LNPEP: variants seen among roughly 807,000 people sequenced by gnomAD.
LNPEP encodes leucyl and cystinyl aminopeptidase, also known as leucyl-cystinyl aminopeptidase.
A neutral mutation model predicts 120.6 loss-of-function variants in LNPEP; 64 were observed. The observed-to-expected ratio is 0.53, with a 90% CI of 0.43 to 0.65. LNPEP has a LOEUF of 0.65. Among genes scored for constraint, LNPEP ranks in the 30% least tolerant of loss-of-function variants. The pLI is 0.00. For missense variants in LNPEP, 1,057 were observed against 1,200.0 expected (o/e 0.88, Z 1.76); for synonymous variants, 435 against 425.4 (o/e 1.02, Z -0.28).
intron 8 of LNPEP, 90 bp downstream of exon 8, chr5:96,998,235 A>G: frequency 9.8e-7 from 1 of 1,024,688 alleles, no homozygotes; most frequent in Admixed American, 2.8e-5. Flanking sequence ...AGATTATTTT[A>G]AAGATTAAAT....
intron 6 of LNPEP, among the ~76,000 whole-genome samples, chr5:96,994,819 T>C (rs965097610): frequency 6.6e-6 from 1 of 152,170 alleles, no homozygotes; most frequent in Non-Finnish European, 1.5e-5. Flanking sequence ...GCTTTAAAAA[T>C]AGGGCATGGG....
chr5:97,005,829 C>A (rs1790765945), intron 9 of LNPEP, among the ~76,000 whole-genome samples: 1 of 152,036 alleles, frequency 6.6e-6, no homozygotes, highest in Non-Finnish European at 1.5e-5. Context: ...CTAGTGCCTC[C>A]CTCACTCCCT....
At chr5:97,003,635 C>T in intron 9 of LNPEP, 89 bp downstream of exon 9, 1 of 885,094 alleles carries the variant, frequency 1.1e-6, no homozygotes, top group Non-Finnish European at 1.7e-6. Flanking sequence ...GTAAGTTAAT[C>T]TGTGGTACAA....
In LNPEP at chr5:96,943,223, TAAAAA is replaced by T. The variant is rs369658383; in HGVS notation, c.19+7059_19+7063del. On this transcript the variant is annotated intron_variant, in intron 1 of 17. Coordinates refer to ENST00000231368, the MANE Select transcript of LNPEP (RefSeq NM_005575.3). ...TTTTAATAAATGATTACCAGTTGTT[TAAAAA>T]AAAAAAAAAGAAAACTATAGAGAGC... The T allele has an allele frequency of 4.5e-3, 835 of 185,650 alleles. 9 individuals are homozygous for T. Among genetic ancestry groups the T allele is most frequent in the Non-Finnish European group, 6.5e-3 (627 of 96,006 alleles). The allele number at this position is 185,650 out of a possible 1,614,324, so 11.5% of individuals were successfully genotyped here. A position where few individuals can be genotyped will look rare whatever the true frequency, so the allele number is the denominator to read the frequency against.
At chr5:97,027,469 A>G (rs1791371726) in intron 16 of LNPEP, among the ~76,000 whole-genome samples, 1 of 152,118 alleles carries the variant, frequency 6.6e-6, no homozygotes, top group Admixed American at 6.5e-5. Flanking sequence ...TAAATCAATA[A>G]TGGCATTTCT....
chr5:96,951,866 G>A (rs934211462), intron 1 of LNPEP, among the ~76,000 whole-genome samples: 1 of 151,854 alleles, frequency 6.6e-6, no homozygotes, highest in African/African-American at 2.4e-5. Context: ...TTTACTTTGT[G>A]TATTTACTCT....
In LNPEP at chr5:96,979,473, G is replaced by A. The variant is rs763065052; in HGVS notation, c.355G>A (p.Val119Met). 6.8e-6 allele frequency: 11 copies of A among 1,613,960 alleles called. No individual in the cohort carries two copies. The highest frequency in any genetic ancestry group is 1.7e-5 in the Admixed American group (1 of 59,974). Residue 119 changes from valine to methionine, a missense_variant, in exon 2 of 18, where the codon GTG (valine) becomes ATG (methionine). Val to Met is a conservative substitution (Grantham distance 21). Transcript: ENST00000231368. The part of the protein sequence containing the change: ...RTMVVCAFVI[V>M]VAVSVIMVIY... ...CATGGTGGTCTGTGCTTTTGTCATC[G>A]TGGTTGCTGTTTCTGTAATCATGGT...
intron 4 of LNPEP, among the ~76,000 whole-genome samples, chr5:96,989,046 G>C (rs1316762127): frequency 6.6e-6 from 1 of 151,872 alleles, no homozygotes; most frequent in Non-Finnish European, 1.5e-5. Flanking sequence ...TGTGTGGAAA[G>C]AGGAAGAGAT....
In LNPEP at chr5:96,993,049, A is replaced by G. The variant is rs201614474; in HGVS notation, c.1166A>G (p.Gln389Arg). The G allele has an allele frequency of 6.9e-6, 11 of 1,598,312 alleles. No individual in the cohort carries two copies. The highest frequency in any genetic ancestry group is 2.7e-5 in the African/African-American group (2 of 74,550). The change falls in exon 5 of 18, where the codon CAA becomes CGA. Residue 389 changes from glutamine (Q) to arginine (R), a missense_variant. Transcript: ENST00000231368. Reference protein sequence around the residue: ...SIYAVPEKIGQVHYALETTVK... With the variant: ...SIYAVPEKIGRVHYALETTVK... ...TATGCTGTACCAGAAAAGATTGGTC[A>G]AGTTCATTATGCCTTGGAAACAACT...
Position 97,006,446 on chromosome 5 carries a change from C to T in LNPEP, c.1966C>T (p.Leu656=). The T allele has an allele frequency of 6.3e-7, 1 of 1,574,972 alleles. No homozygotes were observed. Among genetic ancestry groups the T allele is most frequent in the Non-Finnish European group, 8.7e-7 (1 of 1,146,642 alleles). ...TTACAGCTACCTGTGGCATATTCCA[C>T]TATCCTATGTCACTGAAGGAAGAAA... ...SDTSYLWHIP[L]SYVTEGRNYS... The change falls in exon 11 of 18, where the codon CTA becomes TTA. Residue 656 remains leucine (L), a synonymous_variant. Coordinates refer to ENST00000231368, the MANE Select transcript of LNPEP (RefSeq NM_005575.3).
In LNPEP at chr5:97,024,516, T is replaced by TA. The variant is rs1464715346; in HGVS notation, c.2562-4dup. On this transcript the variant is annotated splice_region_variant and splice_polypyrimidine_tract_variant and intron_variant, in intron 14 of 17. Coordinates refer to ENST00000231368, the MANE Select transcript of LNPEP (RefSeq NM_005575.3). ...TATTCTCATGTTTGACCACCTCTCT[T>TA]ACAGCCTACCTACTGATGTCATGAC... The TA allele has an allele frequency of 2.3e-5, 37 of 1,612,820 alleles. No individual in the cohort carries two copies. The highest frequency in any genetic ancestry group is 2.9e-5 in the Non-Finnish European group (34 of 1,179,480).
chr5:97,029,176 T>C lies in LNPEP; in HGVS notation c.*643T>C, dbSNP rs901038230. 6.6e-6 allele frequency: 1 copy of C among 152,398 alleles called. No individual in the cohort carries two copies. Among genetic ancestry groups the C allele is most frequent in the Non-Finnish European group, 1.5e-5 (1 of 68,038 alleles). The allele number at this position is 152,398 out of a possible 1,614,324, so 9.4% of individuals were successfully genotyped here. On this transcript the variant is annotated 3_prime_UTR_variant, in exon 18 of 18. Coordinates refer to ENST00000231368, the MANE Select transcript of LNPEP (RefSeq NM_005575.3). ...GTGCTACAGATTTTTAAAATTTTTG[T>C]TGTATTGAAAAGCTAAACAAGGCCA... is the stretch of plus-strand genomic sequence containing the variant.
intron 13 of LNPEP, among the ~76,000 whole-genome samples, chr5:97,021,532 A>G (rs1791196444): frequency 6.6e-6 from 1 of 152,228 alleles, no homozygotes; most frequent in African/African-American, 2.4e-5. Flanking sequence ...TTAACTATCA[A>G]TAAAGAAGTT....
intron 4 of LNPEP, among the ~76,000 whole-genome samples, chr5:96,990,288 G>A (rs901631927): frequency 2.0e-5 from 3 of 152,238 alleles, no homozygotes; most frequent in Admixed American, 6.5e-5. Flanking sequence ...GCTTGTAGGC[G>A]GTGACTGAAT....
chr5:97,013,756 A>T lies in LNPEP; in HGVS notation c.2144A>T (p.Gln715Leu). 6.2e-7 allele frequency: 1 copy of T among 1,612,250 alleles called. No individual in the cohort carries two copies. Among genetic ancestry groups the T allele is most frequent in the Non-Finnish European group, 8.5e-7 (1 of 1,178,770 alleles). The change falls in exon 12 of 18, where the codon CAG becomes CTG. Residue 715 changes from glutamine (Q) to leucine (L), a missense_variant. Physicochemically the swap from Gln to Leu is moderately radical, Grantham distance 113 (BLOSUM62 -2). Transcript: ENST00000231368. ...ADDDWEALIH[Q>L]LKINPYVLSD... Reference sequence around the variant, plus strand: ...GATGATTGGGAAGCACTAATCCATCAGTTGAAAATAAATCCTTATGTTCTG... The same window carrying T: ...GATGATTGGGAAGCACTAATCCATCTGTTGAAAATAAATCCTTATGTTCTG...
At chr5:96,946,986 C>G (rs909347227) in intron 1 of LNPEP, among the ~76,000 whole-genome samples, 3 of 152,100 alleles carry the variant, frequency 2.0e-5, no homozygotes, top group African/African-American at 7.2e-5. Context: ...CTCATTATGT[C>G]TAATGTAATT....
chr5:97,026,861 G>T, intron 16 of LNPEP, 104 bp downstream of exon 16: 1 of 881,114 alleles, frequency 1.1e-6, no homozygotes, highest in East Asian at 2.4e-5. Context: ...GCTGTGAGAG[G>T]AAAAATACTT....
intron 16 of LNPEP, among the ~76,000 whole-genome samples, chr5:97,027,352 CA>C (rs532880827): frequency 5.7e-4 from 73 of 127,460 alleles, no homozygotes; most frequent in African/African-American, 1.3e-3. Context: ...GACTCCGTCT[CA>C]AAAAAAAAAA....
intron 4 of LNPEP, among the ~76,000 whole-genome samples, chr5:96,988,551 T>C (rs1214544900): frequency 6.6e-6 from 1 of 151,890 alleles, no homozygotes; most frequent in East Asian, 1.9e-4. Flanking sequence ...TTTGGCCTGC[T>C]GGTCTCTAAC....
Sources: allele counts gnomAD v4.1 joint callset (sites outside exome capture counted in the v4.1 genomes callset), GRCh38; gene constraint gnomAD v4.1.1; transcripts MANE v1.5; gene names NCBI Gene and HGNC (gene_info 2026-07-23, HGNC 2026-07-21).